RFX3: variants seen among roughly 807,000 people sequenced by gnomAD.
The protein encoded by RFX3 is transcription factor RFX3.
In RFX3, 14 loss-of-function variants were observed where a neutral mutation model predicts 98.6. The ratio of observed to expected loss-of-function variants is 0.14; its 90% CI spans 0.09 to 0.22. The LOEUF is 0.22. RFX3 is among the 10% of genes least tolerant of loss of function. The probability of loss-of-function intolerance (pLI) is 1.00; values close to 1 mark genes in which losing one functional copy is unlikely to be tolerated. For missense variants in RFX3, 639 were observed against 926.9 expected (o/e 0.69, Z 4.03); for synonymous variants, 383 against 328.4 (o/e 1.17, Z -1.80).
intron 1 of RFX3, among the ~76,000 whole-genome samples, chr9:3,440,699 C>A (rs1011417769): frequency 7.2e-5 from 11 of 152,130 alleles, no homozygotes; most frequent in African/African-American, 2.7e-4. Flanking sequence ...AATCCCAAAT[C>A]CCAATAGGCT....
chr9:3,517,787 C>A lies in RFX3; in HGVS notation c.-9+7960G>T, dbSNP rs542096071. ...CACTCAAATTACATAGTTAGTGGAACAAGGTTATAAATTTGTCCAAGAGGA... is the reference window on the plus strand; with the variant it reads ...CACTCAAATTACATAGTTAGTGGAAAAAGGTTATAAATTTGTCCAAGAGGA... On this transcript the variant is annotated intron_variant, in intron 1 of 16. Transcript: ENST00000617270. Among the ~76,000 whole-genome samples, 28 of 152,260 alleles carry A rather than the reference C, an allele frequency of 1.8e-4. 1 individual carries two copies. In the South Asian group the frequency reaches 5.4e-3, roughly 29 times the overall value.
At chr9:3,454,933 C>A (rs1847010976) in intron 1 of RFX3, among the ~76,000 whole-genome samples, 1 of 152,100 alleles carries the variant, frequency 6.6e-6, no homozygotes, top group Admixed American at 6.5e-5. Context: ...CCAAGTCTCC[C>A]GCCCCTAAAT....
At chr9:3,512,078 G>A (rs920146150) in intron 1 of RFX3, among the ~76,000 whole-genome samples, 5 of 151,968 alleles carry the variant, frequency 3.3e-5, no homozygotes, top group African/African-American at 1.2e-4. Context: ...CCCTTAACAT[G>A]TACCCATAAA....
intron 1 of RFX3, among the ~76,000 whole-genome samples, chr9:3,458,037 A>G (rs1481954322): frequency 6.6e-6 from 1 of 152,194 alleles, no homozygotes; most frequent in Non-Finnish European, 1.5e-5. Context: ...GTGAGGAAGC[A>G]GTCATTAGAA....
intron 1 of RFX3, among the ~76,000 whole-genome samples, chr9:3,505,068 A>G (rs866755737): frequency 1.1e-5 from 1 of 93,444 alleles, no homozygotes; most frequent in Non-Finnish European, 1.9e-5. Context: ...AATATATAAT[A>G]AAATATAAAA....
intron 1 of RFX3, among the ~76,000 whole-genome samples, chr9:3,459,975 C>A (rs147523499): frequency 6.6e-6 from 1 of 151,536 alleles, no homozygotes; most frequent in Non-Finnish European, 1.5e-5. Context: ...CTTTTGTAAT[C>A]GAGGAAAGGG....
At chr9:3,246,842 T>C (rs1024515672) in intron 15 of RFX3, among the ~76,000 whole-genome samples, 1 of 152,168 alleles carries the variant, frequency 6.6e-6, no homozygotes, top group Non-Finnish European at 1.5e-5. Flanking sequence ...ACAGGGAACA[T>C]CATACAAAGA....
intron 2 of RFX3, among the ~76,000 whole-genome samples, chr9:3,374,978 A>C (rs1838296725): frequency 1.3e-5 from 2 of 152,180 alleles, no homozygotes; most frequent in Non-Finnish European, 2.9e-5. Flanking sequence ...TACAAGGTTC[A>C]TGAACAAAAT....
intron 7 of RFX3, among the ~76,000 whole-genome samples, chr9:3,279,895 G>A (rs1433037694): frequency 6.6e-6 from 1 of 151,878 alleles, no homozygotes; most frequent in Non-Finnish European, 1.5e-5. Context: ...ACTATATTAT[G>A]TGGGAGATGA....
intron 15 of RFX3, among the ~76,000 whole-genome samples, chr9:3,235,841 C>T (rs192984588): frequency 6.6e-5 from 10 of 152,190 alleles, no homozygotes; most frequent in East Asian, 3.9e-4. Context: ...GGATAATCTC[C>T]CCATTTAAAT....
At chr9:3,508,773 A>G (rs1817372724) in intron 1 of RFX3, among the ~76,000 whole-genome samples, 1 of 152,008 alleles carries the variant, frequency 6.6e-6, no homozygotes, top group South Asian at 2.1e-4. Context: ...ATTTGTTACC[A>G]CAAATGAGGC....
chr9:3,247,027 T>C (rs1820764441), intron 15 of RFX3: 4 of 955,404 alleles, frequency 4.2e-6, no homozygotes, highest in African/African-American at 3.5e-5. Flanking sequence ...AGGAAAAGCA[T>C]TGAATAATAT....
At chr9:3,256,029 T>C (rs1177311700) in intron 14 of RFX3, among the ~76,000 whole-genome samples, 1 of 152,102 alleles carries the variant, frequency 6.6e-6, no homozygotes, top group African/African-American at 2.4e-5. Context: ...TGCAGTGGCA[T>C]GATCTCGGCT....
At chr9:3,333,708 C>T (rs1832850079) in intron 3 of RFX3, among the ~76,000 whole-genome samples, 2 of 152,068 alleles carry the variant, frequency 1.3e-5, no homozygotes, top group Non-Finnish European at 2.9e-5. Context: ...GTCAAATAAG[C>T]TGTACAAATA....
intron 14 of RFX3, 101 bp downstream of exon 14, chr9:3,256,890 T>C (rs955181310): frequency 9.9e-6 from 11 of 1,111,474 alleles, no homozygotes; most frequent in Non-Finnish European, 1.3e-6. Context: ...CTAAAGTCTT[T>C]ATTACTTTCT....
intron 2 of RFX3, among the ~76,000 whole-genome samples, chr9:3,352,319 TAGA>T (rs1193824236): frequency 6.6e-6 from 1 of 151,940 alleles, no homozygotes; most frequent in South Asian, 2.1e-4. Context: ...TAAACAAGAA[TAGA>T]AGGATATACA....
chr9:3,395,022 T>C (rs1840712317), intron 2 of RFX3: 1 of 213,670 alleles, frequency 4.7e-6, no homozygotes, highest in Non-Finnish European at 8.0e-6. Flanking sequence ...GCAAAGGCAC[T>C]TTCTAAAATA....
At chr9:3,511,789 A>T (rs897764253) in intron 1 of RFX3, among the ~76,000 whole-genome samples, 2 of 152,116 alleles carry the variant, frequency 1.3e-5, no homozygotes, top group African/African-American at 2.4e-5. Context: ...CCCTTTCTTA[A>T]CAATGGGTCA....
intron 1 of RFX3, among the ~76,000 whole-genome samples, chr9:3,485,317 C>T (rs1850165967): frequency 6.6e-6 from 1 of 152,204 alleles, no homozygotes; most frequent in Non-Finnish European, 1.5e-5. Context: ...AAGCACTATT[C>T]TGTGCCAGGC....
Sources: gnomAD v4.1 joint callset for allele counts (sites outside exome capture counted in the v4.1 genomes callset) on GRCh38, gnomAD v4.1.1 for gene constraint, MANE v1.5 for transcripts, NCBI Gene and HGNC (gene_info 2026-07-23, HGNC 2026-07-21) for gene names.